The following FAM117B variants were observed in gnomAD, a reference collection of about 807,000 sequenced individuals.
The protein encoded by FAM117B is family with sequence similarity 117 member B, also known as protein FAM117B.
A neutral mutation model predicts 52.8 loss-of-function variants in FAM117B; 22 were observed. That is an observed-to-expected ratio of 0.42 (90% confidence interval 0.30 to 0.59). FAM117B has a LOEUF of 0.59. Ranked by LOEUF, FAM117B falls within the 20% of genes least tolerant of loss-of-function variation. The pLI is 0.22. For synonymous variants in FAM117B, 309 were observed against 324.1 expected (o/e 0.95, Z 0.50); for missense variants, 678 against 802.6 (o/e 0.84, Z 1.88).
intron 4 of FAM117B, among the ~76,000 whole-genome samples, chr2:202,733,916 A>C (rs1307432862): frequency 6.6e-6 from 1 of 152,250 alleles, no homozygotes; most frequent in African/African-American, 2.4e-5. Flanking sequence ...TTATTTGGGA[A>C]CTGATAAATG....
chr2:202,690,539 G>A (rs1690604516), intron 1 of FAM117B, among the ~76,000 whole-genome samples: 1 of 152,142 alleles, frequency 6.6e-6, no homozygotes, highest in African/African-American at 2.4e-5. Context: ...CGGGTGGGTG[G>A]TTGAGGAAGA....
chr2:202,682,501 C>A (rs562955335), intron 1 of FAM117B, among the ~76,000 whole-genome samples: 222 of 152,276 alleles, frequency 1.5e-3, no homozygotes, highest in African/African-American at 5.3e-3. Flanking sequence ...TGGGAGTTGG[C>A]CCCTGCCAAT....
At chr2:202,715,329 G>A (rs1194372682) in intron 2 of FAM117B, among the ~76,000 whole-genome samples, 42 of 151,808 alleles carry the variant, frequency 2.8e-4, no homozygotes, top group Admixed American at 5.2e-4. Context: ...CCCGGACGGG[G>A]TGGCTGCCGG....
At chr2:202,718,731 C>T (rs1357104554) in intron 2 of FAM117B, among the ~76,000 whole-genome samples, 2 of 152,158 alleles carry the variant, frequency 1.3e-5, no homozygotes, top group Non-Finnish European at 2.9e-5. Context: ...CCTATGTGCT[C>T]CACTCACTGA....
chr2:202,742,850 A>G (rs576802601), intron 4 of FAM117B, among the ~76,000 whole-genome samples: 1 of 152,230 alleles, frequency 6.6e-6, no homozygotes, highest in Non-Finnish European at 1.5e-5. Flanking sequence ...CCAGTGGCAT[A>G]AGGATGGCCC....
At chr2:202,644,328 C>T (rs1018264831) in intron 1 of FAM117B, among the ~76,000 whole-genome samples, 6 of 151,870 alleles carry the variant, frequency 4.0e-5, no homozygotes, top group African/African-American at 9.7e-5. Context: ...TTGATTGCTT[C>T]GTTTTCTATG....
intron 4 of FAM117B, among the ~76,000 whole-genome samples, chr2:202,739,929 T>C (rs1559113238): frequency 1.3e-5 from 2 of 151,896 alleles, no homozygotes; most frequent in African/African-American, 4.8e-5. Flanking sequence ...CTCAGCACTT[T>C]GGGAGGCTGA....
At chr2:202,754,884 G>A (rs531480733) in intron 4 of FAM117B, among the ~76,000 whole-genome samples, 17 of 46,634 alleles carry the variant, frequency 3.6e-4, no homozygotes, top group African/African-American at 1.1e-3. Flanking sequence ...AGTGAGATTC[G>A]TCTCAAAAAA....
At chr2:202,697,110 C>T (rs999827160) in intron 2 of FAM117B, among the ~76,000 whole-genome samples, 3 of 152,030 alleles carry the variant, frequency 2.0e-5, no homozygotes, top group Admixed American at 1.3e-4. Context: ...TTCAGGTCTA[C>T]CCCTTAGTTT....
intron 1 of FAM117B, among the ~76,000 whole-genome samples, chr2:202,657,581 C>G (rs1192155692): frequency 6.6e-6 from 1 of 152,006 alleles, no homozygotes; most frequent in Non-Finnish European, 1.5e-5. Context: ...CTTGACTTCC[C>G]AGGCTCAGGT....
At chr2:202,698,487 A>G (rs1690747413) in intron 2 of FAM117B, among the ~76,000 whole-genome samples, 1 of 151,898 alleles carries the variant, frequency 6.6e-6, no homozygotes, top group Non-Finnish European at 1.5e-5. Context: ...CAGTGGCCTG[A>G]TCTCAGCTCA....
At position 202,730,342 on chromosome 2, in the gene FAM117B, G is replaced by A. The variant is rs145444255; in HGVS notation, c.960+3979G>A. Among the ~76,000 whole-genome samples, 28 of 152,204 alleles carry A rather than the reference G, an allele frequency of 1.8e-4. 1 individual carries two copies. The highest frequency in any genetic ancestry group is 6.7e-4 in the African/African-American group (28 of 41,536). On this transcript the variant is annotated intron_variant, in intron 4 of 7. Coordinates refer to ENST00000392238, the MANE Select transcript of FAM117B (RefSeq NM_173511.4). ...GACAATATTTGAGAAAAATAGAGAT[G>A]AAAGTTAAGGATGATGTCAATTTTA... is the stretch of plus-strand genomic sequence containing the variant.
chr2:202,702,013 C>T (rs1690802115), intron 2 of FAM117B, among the ~76,000 whole-genome samples: 1 of 152,188 alleles, frequency 6.6e-6, no homozygotes, highest in African/African-American at 2.4e-5. Context: ...CAATATGCTA[C>T]CCACGCAGCA....
At chr2:202,741,416 CAAAAAAAAAAAAAAAAAAAAA>C (rs1156278814) in intron 4 of FAM117B, among the ~76,000 whole-genome samples, 1 of 34,934 alleles carries the variant, frequency 2.9e-5, no homozygotes, top group Non-Finnish European at 4.6e-5. Context: ...GACTCTGTCT[CAAAAAAAAAAAAAAAAAAAAA>C]AAAAAAAAAG....
rs1048365963 is a variant in FAM117B at position 202,648,855 on chromosome 2, G to C, written c.601+13067G>C. Reference sequence around the variant, plus strand: ...TGGCTCACTGCAACCTCTGACTCCCGGGTTCAGGCGATTCTCCTGCCTCAG... The same window carrying C: ...TGGCTCACTGCAACCTCTGACTCCCCGGTTCAGGCGATTCTCCTGCCTCAG... On this transcript the variant is annotated intron_variant, in intron 1 of 7. Coordinates refer to ENST00000392238, the MANE Select transcript of FAM117B (RefSeq NM_173511.4). Among the ~76,000 whole-genome samples the C allele has an allele frequency of 2.2e-4, 34 of 151,932 alleles. No homozygotes were observed. The East Asian group carries it at 6.4e-3, about 29-fold the overall frequency.
chr2:202,664,727 C>T (rs1690176325), intron 1 of FAM117B, among the ~76,000 whole-genome samples: 1 of 151,850 alleles, frequency 6.6e-6, no homozygotes, highest in Admixed American at 6.6e-5. Flanking sequence ...AGTTATTTTG[C>T]CCTCAGAACA....
At chr2:202,656,579 A>C (rs1353638207) in intron 1 of FAM117B, among the ~76,000 whole-genome samples, 1 of 151,960 alleles carries the variant, frequency 6.6e-6, no homozygotes, top group Non-Finnish European at 1.5e-5. Context: ...ACCTTATTTT[A>C]TTTCTTTTCT....
At chr2:202,759,992 T>G (rs887798103) in intron 7 of FAM117B, among the ~76,000 whole-genome samples, 7 of 152,202 alleles carry the variant, frequency 4.6e-5, no homozygotes, top group African/African-American at 1.7e-4. Context: ...TGAGCCACTG[T>G]GCCCAGCCTA....
chr2:202,696,118 A>G, intron 2 of FAM117B, 86 bp downstream of exon 2: 1 of 1,403,242 alleles, frequency 7.1e-7, no homozygotes, highest in Middle Eastern at 2.0e-4. Context: ...GAGTAGAACA[A>G]ACATTTAGTG....
Sources: gnomAD v4.1 joint callset for allele counts (sites outside exome capture counted in the v4.1 genomes callset) on GRCh38, gnomAD v4.1.1 for gene constraint, MANE v1.5 for transcripts, NCBI Gene and HGNC (gene_info 2026-07-23, HGNC 2026-07-21) for gene names.